The following CLCNKA variants were observed in gnomAD, a reference collection of about 807,000 sequenced individuals.
The protein encoded by CLCNKA is chloride channel protein ClC-Ka.
A neutral mutation model predicts 83.3 loss-of-function variants in CLCNKA; 66 were observed. The ratio of observed to expected loss-of-function variants is 0.79; its 90% CI spans 0.65 to 0.97. CLCNKA has a LOEUF of 0.97. CLCNKA is among the 50% of genes least tolerant of loss of function. The probability of loss-of-function intolerance (pLI) is 0.00; values close to 1 mark genes in which losing one functional copy is unlikely to be tolerated. For missense variants in CLCNKA, 806 were observed against 888.7 expected, an observed-to-expected ratio of 0.91 and a Z score of 1.18; for synonymous variants, 357 against 370.4, an observed-to-expected ratio of 0.96 and a Z score of 0.42.
At chr1:16,026,409 C>T (rs2022348672) in intron 5 of CLCNKA, 127 bp from the exon 6 acceptor site, 4 of 1,481,720 alleles carry the variant, frequency 2.7e-6, no homozygotes, top group East Asian at 2.4e-5. Context: ...CCCAGTGTGA[C>T]AAAAGCTACC....
chr1:16,033,059 A>C, intron 18 of CLCNKA, 111 bp from the exon 19 acceptor site: 1 of 1,154,616 alleles, frequency 8.7e-7, no homozygotes, highest in Non-Finnish European at 1.3e-6. Context: ...GTTGCCTCCC[A>C]CACATATCAG....
chr1:16,033,489 T>C, intron 19 of CLCNKA, 122 bp from the exon 20 acceptor site: 1 of 965,490 alleles, frequency 1.0e-6, no homozygotes, highest in East Asian at 2.6e-5. Context: ...ATCTGTGCAA[T>C]GGGGTGGCAC....
rs1557448854 is a variant in CLCNKA at position 16,024,926 on chromosome 1, CA to C, written c.358+39del. On this transcript the variant is annotated intron_variant, in intron 4 of 19. Transcript: ENST00000331433. ...CGGTCGCCATGCCAGTCCCCAGTGCCAAAACCTTCTCAGATCCCAGGGGGCT... is the reference window on the plus strand; with the variant it reads ...CGGTCGCCATGCCAGTCCCCAGTGCCAAACCTTCTCAGATCCCAGGGGGCT... 3 of 1,613,344 alleles carry C rather than the reference CA, an allele frequency of 1.9e-6. No homozygotes were observed. The Admixed American group carries it at 5.0e-5, about 27-fold the overall frequency.
chr1:16,028,754 C>G lies in CLCNKA; in HGVS notation c.969-7C>G, dbSNP rs201309731. On this transcript the variant is annotated splice_region_variant and splice_polypyrimidine_tract_variant and intron_variant, in intron 10 of 19. Transcript: ENST00000331433. ...GGCCAGCCCTAGAGCTCACCCACCC[C>G]CCACAGCAAGCCTGTGTACTCCGCT... 1.9e-3 allele frequency: 3,069 copies of G among 1,614,116 alleles called. 7 individuals carry two copies. The highest frequency in any genetic ancestry group is 1.6e-3 in the Non-Finnish European group (1,933 of 1,180,012).
At chr1:16,027,062 A>G (rs1457008705) in intron 7 of CLCNKA, among the ~76,000 whole-genome samples, 1 of 152,152 alleles carries the variant, frequency 6.6e-6, no homozygotes, top group Non-Finnish European at 1.5e-5. Flanking sequence ...CCTCTGTAAA[A>G]TGGGGATCAA....
At chr1:16,026,868 G>C (rs1372615121) in intron 7 of CLCNKA, 93 bp downstream of exon 7, 1 of 1,506,916 alleles carries the variant, frequency 6.6e-7, no homozygotes, top group East Asian at 2.3e-5. Flanking sequence ...CCTGGAGGAG[G>C]GGATGGGGCT....
At chr1:16,031,339 C>T (rs1250211853) in intron 15 of CLCNKA, among the ~76,000 whole-genome samples, 4 of 152,174 alleles carry the variant, frequency 2.6e-5, no homozygotes, top group Non-Finnish European at 5.9e-5. Flanking sequence ...CCAGGGAAGG[C>T]TGCTGGGTCT....
chr1:16,026,449 G>C, intron 5 of CLCNKA, 87 bp from the exon 6 acceptor site: 3 of 1,570,618 alleles, frequency 1.9e-6, no homozygotes, highest in Non-Finnish European at 2.6e-6. Context: ...TGGGGAGATG[G>C]AGGAGGGGGT....
At chr1:16,027,161 C>A in intron 7 of CLCNKA, 149 bp from the exon 8 acceptor site, 1 of 1,186,790 alleles carries the variant, frequency 8.4e-7, no homozygotes, top group Admixed American at 2.1e-5. Context: ...GCCCAGGGCG[C>A]AAGCCCTGCC....
At position 16,032,480 on chromosome 1, in the gene CLCNKA, C is replaced by T. The variant is rs199924961; in HGVS notation, c.1883C>T (p.Thr628Met). Reference sequence around the variant, plus strand: ...GACATCTTGGCCAGGGGCTGCCCCACGGAACCAGTGACCCTGACGCTATTC... The same window carrying T: ...GACATCTTGGCCAGGGGCTGCCCCATGGAACCAGTGACCCTGACGCTATTC... ...LQDILARGCP[T>M]EPVTLTLFSE... The change falls in exon 18 of 20, where the codon ACG (threonine) becomes ATG (methionine). Residue 628 changes from threonine (T) to methionine (M), a missense_variant. By Grantham distance (81) the Thr-to-Met change is moderately conservative (BLOSUM62 -1). Coordinates refer to ENST00000331433, the MANE Select transcript of CLCNKA (RefSeq NM_004070.4). 4.4e-5 allele frequency: 71 copies of T among 1,613,140 alleles called. 1 individual carries two copies. The highest frequency in any genetic ancestry group is 8.3e-5 in the Admixed American group (5 of 60,006).
intron 16 of CLCNKA, 147 bp downstream of exon 16, chr1:16,031,990 C>T: frequency 7.1e-7 from 1 of 1,408,722 alleles, no homozygotes; most frequent in Non-Finnish European, 9.8e-7. Flanking sequence ...TCACCTGAGC[C>T]TCAGTTTCCT....
intron 4 of CLCNKA, among the ~76,000 whole-genome samples, chr1:16,025,326 G>T (rs974052137): frequency 6.6e-6 from 1 of 152,204 alleles, no homozygotes; most frequent in South Asian, 2.1e-4. Flanking sequence ...TCTGACTCTA[G>T]CATCCAAATC....
intron 15 of CLCNKA, among the ~76,000 whole-genome samples, chr1:16,031,495 G>A (rs1394833608): frequency 6.6e-6 from 1 of 152,060 alleles, no homozygotes; most frequent in Admixed American, 6.5e-5. Flanking sequence ...GGACCAGGGG[G>A]TTGGGGATTT....
chr1:16,027,463 G>A, intron 8 of CLCNKA, 28 bp downstream of exon 8: 1 of 1,612,292 alleles, frequency 6.2e-7, no homozygotes, highest in Non-Finnish European at 8.5e-7. Context: ...CCTGACCCTG[G>A]CCCTGCCTGG....
At chr1:16,031,594 C>G in intron 15 of CLCNKA, 116 bp from the exon 16 acceptor site, 1 of 1,473,724 alleles carries the variant, frequency 6.8e-7, no homozygotes, top group Non-Finnish European at 9.3e-7. Context: ...TCCAGCCCTG[C>G]TCACACTCCA....
Position 16,024,801 on chromosome 1 carries a change from C to G in CLCNKA, c.268C>G (p.Leu90Val), listed in dbSNP as rs200504115. 1.1e-5 allele frequency: 17 copies of G among 1,614,174 alleles called. No individual in the cohort carries two copies. Among genetic ancestry groups the G allele is most frequent in the Non-Finnish European group, 1.4e-5 (17 of 1,180,036 alleles). Residue 90 changes from leucine to valine, a missense_variant, in exon 4 of 20, where the codon CTG (leucine) becomes GTG (valine). By Grantham distance (32) the Leu-to-Val change is conservative. Transcript: ENST00000331433. ...GTACAGGGAGATTGGGGACAGCCACCTGCTCCGGTATCTTTCCTGGACTGT... is the reference window on the plus strand; with the variant it reads ...GTACAGGGAGATTGGGGACAGCCACGTGCTCCGGTATCTTTCCTGGACTGT... ...WLYREIGDSH[L>V]LRYLSWTVYP...
chr1:16,029,064 G>A, intron 11 of CLCNKA, 62 bp from the exon 12 acceptor site: 3 of 1,586,126 alleles, frequency 1.9e-6, no homozygotes, highest in Non-Finnish European at 2.6e-6. Flanking sequence ...CGGTGCGGGG[G>A]AGGCTGGGGT....
In CLCNKA at chr1:16,031,762, G is replaced by A. The variant is rs373225782; in HGVS notation, c.1675G>A (p.Ala559Thr). 6.2e-6 allele frequency: 10 copies of A among 1,613,834 alleles called. No individual in the cohort carries two copies. In the African/African-American group the frequency reaches 1.2e-4, roughly 19 times the overall value. ...CATGAACCACAGCATCACCACACTG[G>A]CCAAGGACACGCCGCTGGAGGAGGT... ...HFMNHSITTLAKDTPLEEVVK... is the reference protein window; with the variant it reads ...HFMNHSITTLTKDTPLEEVVK... The change falls in exon 16 of 20, where the codon GCC becomes ACC. Residue 559 changes from alanine (A) to threonine (T), a missense_variant. Ala to Thr is a moderately conservative substitution (Grantham distance 58, BLOSUM62 0). Coordinates refer to ENST00000331433, the MANE Select transcript of CLCNKA (RefSeq NM_004070.4).
intron 7 of CLCNKA, 119 bp downstream of exon 7, chr1:16,026,894 T>C (rs1439186604): frequency 7.2e-7 from 1 of 1,390,490 alleles, no homozygotes; most frequent in African/African-American, 1.4e-5. Context: ...TTGTTCTCAC[T>C]TCAGCCCCGC....
Sources: allele counts gnomAD v4.1 joint callset (sites outside exome capture counted in the v4.1 genomes callset), GRCh38; gene constraint gnomAD v4.1.1; transcripts MANE v1.5; gene names NCBI Gene and HGNC (gene_info 2026-07-23, HGNC 2026-07-21).